Variants in CDH2 observed in about 807,000 individuals in gnomAD.
CDH2 encodes the protein cadherin 2.
In CDH2, 17 loss-of-function variants were observed where a neutral mutation model predicts 92.0. That is an observed-to-expected ratio of 0.18 (90% CI 0.13 to 0.28). The LOEUF is 0.28. Among genes scored for constraint, CDH2 ranks in the 10% least tolerant of loss-of-function variants. The probability of loss-of-function intolerance (pLI) is 1.00; values close to 1 mark genes in which losing one functional copy is unlikely to be tolerated. For missense variants in CDH2, 862 were observed against 1,133.1 expected, an observed-to-expected ratio of 0.76 and a Z score of 3.44; for synonymous variants, 419 against 415.9, an observed-to-expected ratio of 1.01 and a Z score of -0.09.
chr18:28,066,124 G>A (rs2014501849), intron 2 of CDH2, among the ~76,000 whole-genome samples: 1 of 152,136 alleles, frequency 6.6e-6, no homozygotes, highest in Admixed American at 6.6e-5. Flanking sequence ...ATAACCATTT[G>A]AAAAGTTGTT....
chr18:27,993,399 A>G, intron 8 of CDH2, 101 bp downstream of exon 8: 1 of 1,163,498 alleles, frequency 8.6e-7, no homozygotes, highest in Non-Finnish European at 1.2e-6. Context: ...CTATTAGGTG[A>G]AGCAAGTTCC....
intron 2 of CDH2, among the ~76,000 whole-genome samples, chr18:28,097,900 G>GT (rs1160938308): frequency 3.3e-5 from 5 of 152,094 alleles, no homozygotes; most frequent in African/African-American, 9.7e-5. Context: ...ATAAAATGGA[G>GT]TTTTTTTGTT....
intron 1 of CDH2, among the ~76,000 whole-genome samples, chr18:28,164,622 G>C (rs1182693559): frequency 6.7e-6 from 1 of 148,544 alleles, no homozygotes; most frequent in Non-Finnish European, 1.5e-5. Flanking sequence ...TTCAGAGGCT[G>C]AGTAACTTTG....
At chr18:28,133,301 C>T (rs563138636) in intron 2 of CDH2, among the ~76,000 whole-genome samples, 8 of 151,956 alleles carry the variant, frequency 5.3e-5, no homozygotes, top group South Asian at 2.1e-4. Context: ...AGAACTTGGC[C>T]GGCCGGGCGT....
chr18:28,016,109 G>A (rs886665971), intron 2 of CDH2, among the ~76,000 whole-genome samples: 3 of 152,130 alleles, frequency 2.0e-5, no homozygotes, highest in African/African-American at 7.2e-5. Flanking sequence ...CCCTCATTTG[G>A]AACTGCTCTA....
At chr18:28,066,930 CAT>C (rs1305598215) in intron 2 of CDH2, among the ~76,000 whole-genome samples, 1 of 152,002 alleles carries the variant, frequency 6.6e-6, no homozygotes, top group Non-Finnish European at 1.5e-5. Flanking sequence ...AAAATAAGAA[CAT>C]ATAGAAATTT....
chr18:28,163,057 A>T (rs1170241870), intron 1 of CDH2, among the ~76,000 whole-genome samples: 3 of 152,220 alleles, frequency 2.0e-5, no homozygotes, highest in Non-Finnish European at 4.4e-5. Flanking sequence ...CAAGCTACAG[A>T]CAAGTTACAA....
chr18:27,935,353 G>A (rs1908992654), intron 6 of CDH2, among the ~76,000 whole-genome samples: 1 of 152,160 alleles, frequency 6.6e-6, no homozygotes, highest in Non-Finnish European at 1.5e-5. Flanking sequence ...GAGAGAGAGT[G>A]AAGTGGGAGG....
rs56721321 is a variant in CDH2, at chr18:28,018,873, T to TTATATA, written c.173-4970_173-4965dup. The stretch of plus-strand genomic sequence containing the variant: ...ATGAAAAAGATACTTGCACACACGT[T>TTATATA]TATATATATATATATATATGTACAT... On this transcript the variant is annotated intron_variant, in intron 2 of 15. Coordinates refer to ENST00000269141, the MANE Select transcript of CDH2 (RefSeq NM_001792.5). Among the ~76,000 whole-genome samples the TTATATA allele has an allele frequency of 9.5e-4, 139 of 146,292 alleles. No homozygotes were observed. In the Middle Eastern group the frequency reaches 0.018, roughly 19 times the overall value.
chr18:28,157,069 A>AC (rs2016230915), intron 1 of CDH2, among the ~76,000 whole-genome samples: 1 of 152,176 alleles, frequency 6.6e-6, no homozygotes, highest in African/African-American at 2.4e-5. Context: ...CTACAGATTT[A>AC]ATTGGCAGGT....
At position 28,104,220 on chromosome 18, in the gene CDH2, A is replaced by T. The variant is rs2015284063; in HGVS notation, c.172+43453T>A. On this transcript the variant is annotated intron_variant, in intron 2 of 15. Transcript: ENST00000269141. Reference sequence around the variant, plus strand: ...AATTTCTTTAGGTTCTCTAACATATATTATGACCATAAAAGTATTTACCAT... The same window carrying T: ...AATTTCTTTAGGTTCTCTAACATATTTTATGACCATAAAAGTATTTACCAT... Among the ~76,000 whole-genome samples the T allele has an allele frequency of 2.0e-5, 3 of 152,186 alleles. 1 individual carries two copies.
chr18:28,176,764 G>GGCCCCGGCAACCCT (rs1254723797), intron 1 of CDH2, among the ~76,000 whole-genome samples, 199 bp downstream of exon 1: 15 of 151,622 alleles, frequency 9.9e-5, no homozygotes, highest in African/African-American at 2.7e-4. Flanking sequence ...GAGACCTACT[G>GGCCCCGGCAACCCT]GCCCCGGCAA....
At chr18:27,934,837 A>C (rs185194386) in intron 6 of CDH2, among the ~76,000 whole-genome samples, 2 of 152,322 alleles carry the variant, frequency 1.3e-5, no homozygotes, top group East Asian at 3.9e-4. Flanking sequence ...GTGACTACTC[A>C]AGAATGTCAA....
In CDH2 at chr18:27,992,778, A is replaced by T; in HGVS notation, c.1221T>A (p.Asp407Glu). ...DIIVANLTVT[D>E]KDQPHTPAWN... ...AGGCTGGTGTATGGGGTTGATCCTT[A>T]TCGGTCACAGTTAGATTAGCTACTA... The change falls in exon 9 of 16, where the codon GAT becomes GAA. Residue 407 changes from aspartate (D) to glutamate (E), a missense_variant. By Grantham distance (45) the Asp-to-Glu change is conservative. Coordinates refer to ENST00000269141, the MANE Select transcript of CDH2 (RefSeq NM_001792.5). 1 of 1,614,034 alleles carries T rather than the reference A, an allele frequency of 6.2e-7. No individual in the cohort carries two copies.
intron 2 of CDH2, among the ~76,000 whole-genome samples, chr18:28,075,612 A>G (rs2014704280): frequency 1.3e-5 from 2 of 152,276 alleles, no homozygotes; most frequent in Non-Finnish European, 2.9e-5. Flanking sequence ...GTGCTTTCTC[A>G]AACAGAAAAG....
At chr18:28,033,953 A>G (rs1246854791) in intron 2 of CDH2, among the ~76,000 whole-genome samples, 1 of 152,146 alleles carries the variant, frequency 6.6e-6, no homozygotes, top group African/African-American at 2.4e-5. Flanking sequence ...GCAATCTTCA[A>G]TAAGCCACTA....
intron 2 of CDH2, among the ~76,000 whole-genome samples, chr18:28,130,977 A>G (rs2015759162): frequency 6.6e-6 from 1 of 152,180 alleles, no homozygotes. Context: ...ATTCAATGGA[A>G]TCTTTATTTT....
intron 15 of CDH2, among the ~76,000 whole-genome samples, chr18:27,956,405 C>T (rs2011247154): frequency 6.6e-6 from 1 of 152,090 alleles, no homozygotes; most frequent in Admixed American, 6.6e-5. Context: ...ACTTCTGATC[C>T]CAGGCTTTAT....
chr18:28,003,526 A>T (rs538163849), intron 6 of CDH2, among the ~76,000 whole-genome samples: 14 of 152,288 alleles, frequency 9.2e-5, no homozygotes, highest in African/African-American at 3.4e-4. Context: ...AAAGTAATTT[A>T]TTGCCGCTGA....
Sources: gnomAD v4.1 joint callset for allele counts (sites outside exome capture counted in the v4.1 genomes callset) on GRCh38, gnomAD v4.1.1 for gene constraint, MANE v1.5 for transcripts, NCBI Gene and HGNC (gene_info 2026-07-23, HGNC 2026-07-21) for gene names.